The following PSMG1 variants were observed in gnomAD, a reference collection of about 807,000 sequenced individuals.
The protein encoded by PSMG1 is Down syndrome critical region gene 2.
In PSMG1, 23 loss-of-function variants were observed where a neutral mutation model predicts 37.2. The ratio of observed to expected loss-of-function variants is 0.62; its 90% CI spans 0.44 to 0.88. The LOEUF (loss-of-function observed/expected upper bound fraction) is 0.88, where lower values mean the gene tolerates loss of function less well. Among genes scored for constraint, PSMG1 ranks in the 40% least tolerant of loss-of-function variants. The pLI is 0.00. For synonymous variants in PSMG1, 127 were observed against 128.0 expected, an observed-to-expected ratio of 0.99 and a Z score of 0.05; for missense variants, 340 against 344.2, an observed-to-expected ratio of 0.99 and a Z score of 0.10.
chr21:39,180,604 A>G (rs2030794149), intron 2 of PSMG1, among the ~76,000 whole-genome samples, 168 bp from the exon 3 acceptor site: 1 of 152,224 alleles, frequency 6.6e-6, no homozygotes, highest in African/African-American at 2.4e-5. Flanking sequence ...GCCCCCAAGA[A>G]GTAAAAGGCC....
At chr21:39,183,479 G>C (rs2146416244), upstream of PSMG1, 8 of 1,418,976 alleles carry the variant, frequency 5.6e-6, no homozygotes, top group South Asian at 9.9e-5. Flanking sequence ...CGGGCAATAA[G>C]TCCCGCCCCG....
chr21:39,178,330 C>G (rs1330672717), intron 5 of PSMG1, 119 bp downstream of exon 5: 1 of 884,130 alleles, frequency 1.1e-6, no homozygotes, highest in Non-Finnish European at 1.7e-6. Context: ...TGAGGACTAA[C>G]AGCAATATAT....
chr21:39,179,615 G>A (rs927613343), intron 4 of PSMG1, among the ~76,000 whole-genome samples: 1 of 152,068 alleles, frequency 6.6e-6, no homozygotes, highest in African/African-American at 2.4e-5. Context: ...AACAAAGAAA[G>A]ATGGGCGGGA....
rs1206203642 is a variant in PSMG1 at position 39,175,776 on chromosome 21, G to T, written c.793-112C>A. ...ACACTCGAGACTTAAAAACAGCCAT[G>T]GGACAGGCGTGGCCTTTACTCTCCT... On this transcript the variant is annotated intron_variant, in intron 6 of 6. Transcript: ENST00000331573. 6.8e-6 allele frequency: 5 copies of T among 732,806 alleles called. No homozygotes were observed. The African/African-American group carries it at 8.8e-5, about 13-fold the overall frequency. The allele number at this position is 732,806 out of a possible 1,614,324, so 45.4% of individuals were successfully genotyped here.
rs1365121014 is a variant in PSMG1, at chr21:39,177,430, C to T, written c.792+5G>A. Reference sequence around the variant, plus strand: ...GCTATTAATTTAAATGAGTTAAAACCTTACCTTAACCAAACCCTTCAAGCT... The same window carrying T: ...GCTATTAATTTAAATGAGTTAAAACTTTACCTTAACCAAACCCTTCAAGCT... On this transcript the variant is annotated splice_donor_5th_base_variant and intron_variant, in intron 6 of 6. Transcript: ENST00000331573. 1 of 1,577,984 alleles carries T rather than the reference C, an allele frequency of 6.3e-7. No homozygotes were observed. Among genetic ancestry groups the T allele is most frequent in the Non-Finnish European group, 8.6e-7 (1 of 1,167,648 alleles).
At chr21:39,183,481 C>A, upstream of PSMG1, 1 of 1,418,440 alleles carries the variant, frequency 7.1e-7, no homozygotes, top group South Asian at 1.4e-5. Context: ...GGCAATAAGT[C>A]CCGCCCCGCA....
chr21:39,183,483 C>T (rs1052863101), upstream of PSMG1: 1,177 of 1,401,880 alleles, frequency 8.4e-4, 7 homozygotes, highest in Non-Finnish European at 9.3e-4. Flanking sequence ...CAATAAGTCC[C>T]GCCCCGCACA....
chr21:39,175,842 C>A (rs1472085832), intron 6 of PSMG1, among the ~76,000 whole-genome samples, 178 bp from the exon 7 acceptor site: 1 of 152,120 alleles, frequency 6.6e-6, no homozygotes, highest in Non-Finnish European at 1.5e-5. Context: ...TTCAACAGGC[C>A]CTTTCCCTGC....
At chr21:39,177,344 C>G (rs749656421) in intron 6 of PSMG1, 91 bp downstream of exon 6, 3 of 1,260,140 alleles carry the variant, frequency 2.4e-6, no homozygotes, top group Non-Finnish European at 3.2e-6. Flanking sequence ...CCAAGCATTG[C>G]TTAGGGTTTA....
chr21:39,178,682 T>C (rs775991737), intron 4 of PSMG1, 35 bp from the exon 5 acceptor site: 2 of 1,555,188 alleles, frequency 1.3e-6, no homozygotes, highest in African/African-American at 1.4e-5. Context: ...AAAAAAAACA[T>C]ATAATTTTGT....
At chr21:39,177,235 A>C (rs530498723) in intron 6 of PSMG1, among the ~76,000 whole-genome samples, 200 bp downstream of exon 6, 36 of 152,368 alleles carry the variant, frequency 2.4e-4, no homozygotes, top group African/African-American at 8.4e-4. Context: ...TCATACAAGA[A>C]CAAAGCATTC....
intron 3 of PSMG1, 52 bp downstream of exon 3, chr21:39,180,233 C>T (rs368210845): frequency 4.2e-5 from 64 of 1,529,518 alleles, no homozygotes; most frequent in Non-Finnish European, 4.9e-5. Flanking sequence ...CAGTAAATAA[C>T]ATGTAAGTGA....
intron 5 of PSMG1, 151 bp downstream of exon 5, chr21:39,178,298 C>T: frequency 1.5e-6 from 1 of 684,980 alleles, no homozygotes. Context: ...ACTAAATATA[C>T]TGCACTTGTA....
chr21:39,183,291 GGCGTCTCCCTCC>G lies in PSMG1; in HGVS notation c.83_94del (p.Arg28_Thr31del), dbSNP rs1452802022. The G allele has an allele frequency of 6.3e-7, 1 of 1,588,192 alleles. No homozygotes were observed. The highest frequency in any genetic ancestry group is 8.5e-7 in the Non-Finnish European group (1 of 1,170,280). ...CTGCAGACGCACCTCCCTGTCCTCG[GGCGTCTCCCTCC>G]GCCCCTCCTCCTCCTCCTCTTCGTC... On this transcript the variant is annotated inframe_deletion, in exon 1 of 7. Transcript: ENST00000331573.
chr21:39,180,861 C>T (rs760871325), intron 2 of PSMG1, among the ~76,000 whole-genome samples: 3 of 152,056 alleles, frequency 2.0e-5, no homozygotes, highest in Non-Finnish European at 4.4e-5. Flanking sequence ...CCTGTGAACA[C>T]CCTAAAAATA....
chr21:39,182,901 A>G (rs377058837), intron 1 of PSMG1, among the ~76,000 whole-genome samples: 2 of 152,122 alleles, frequency 1.3e-5, no homozygotes, highest in African/African-American at 4.8e-5. Context: ...AGACAGTGTG[A>G]CAAGCGGGAA....
intron 6 of PSMG1, 73 bp from the exon 7 acceptor site, chr21:39,175,737 G>T: frequency 1.1e-6 from 1 of 950,028 alleles, no homozygotes; most frequent in Non-Finnish European, 1.7e-6. Context: ...CTCCCTCCAC[G>T]ACCAACAATC....
At chr21:39,183,458 C>A (rs1412092689), upstream of PSMG1, 14 of 1,478,328 alleles carry the variant, frequency 9.5e-6, no homozygotes, top group Non-Finnish European at 1.3e-5. Flanking sequence ...AGACCACGCT[C>A]CCTCACCGCG....
intron 4 of PSMG1, 62 bp from the exon 5 acceptor site, chr21:39,178,709 T>C (rs1601184816): frequency 6.9e-7 from 1 of 1,445,410 alleles, no homozygotes; most frequent in South Asian, 1.2e-5. Flanking sequence ...ATGGAAACAT[T>C]CCTCTAGGTA....
Sources: gnomAD v4.1 joint callset for allele counts (sites outside exome capture counted in the v4.1 genomes callset) on GRCh38, gnomAD v4.1.1 for gene constraint, MANE v1.5 for transcripts, NCBI Gene and HGNC (gene_info 2026-07-23, HGNC 2026-07-21) for gene names.